Variants in TNS3 observed in about 807,000 individuals in gnomAD.
TNS3 encodes the protein tensin 3.
A neutral mutation model predicts 140.9 loss-of-function variants in TNS3; 45 were observed. The ratio of observed to expected loss-of-function variants is 0.32; its 90% CI spans 0.25 to 0.41. TNS3 has a LOEUF of 0.41. TNS3 is among the 10% of genes least tolerant of loss of function. The pLI is 1.00. For synonymous variants in TNS3, 815 were observed against 788.4 expected (o/e 1.03, Z -0.56); for missense variants, 1,716 against 1,906.7 (o/e 0.90, Z 1.86).
chr7:47,562,158 A>C (rs532700563), intron 1 of TNS3, among the ~76,000 whole-genome samples: 69 of 152,296 alleles, frequency 4.5e-4, no homozygotes, highest in African/African-American at 1.6e-3. Flanking sequence ...CTGACCATCC[A>C]GGGGAGGAGT....
intron 23 of TNS3, among the ~76,000 whole-genome samples, chr7:47,301,112 AT>A (rs1420579386): frequency 6.6e-6 from 1 of 152,074 alleles, no homozygotes; most frequent in Non-Finnish European, 1.5e-5. Context: ...AGAGAGCTTG[AT>A]TTTCTTCTGA....
chr7:47,277,988 T>A lies in TNS3; in HGVS notation c.*88A>T, dbSNP rs771393287. Reference sequence around the variant, plus strand: ...GCCTGGAATGTCAGGTTTACTAGTTTGGTAAAAAGTGGGGGCCCCACCCTC... The same window carrying A: ...GCCTGGAATGTCAGGTTTACTAGTTAGGTAAAAAGTGGGGGCCCCACCCTC... On this transcript the variant is annotated 3_prime_UTR_variant, in exon 31 of 31. Coordinates refer to ENST00000311160, the MANE Select transcript of TNS3 (RefSeq NM_022748.12). The A allele has an allele frequency of 2.1e-6, 3 of 1,462,642 alleles. No individual in the cohort carries two copies. Among genetic ancestry groups the A allele is most frequent in the Non-Finnish European group, 2.9e-6 (3 of 1,047,532 alleles). 90.6% of individuals were successfully genotyped at this position (1,462,642 alleles called of 1,614,324 possible). A position where few individuals can be genotyped will look rare whatever the true frequency, so the allele number is the denominator to read the frequency against.
intron 30 of TNS3, 40 bp from the exon 31 acceptor site, chr7:47,278,260 C>T: frequency 6.3e-7 from 1 of 1,592,954 alleles, no homozygotes; most frequent in Non-Finnish European, 8.5e-7. Flanking sequence ...CAGTGTCCCA[C>T]AAAGTACCAA....
intron 1 of TNS3, among the ~76,000 whole-genome samples, chr7:47,571,638 G>A (rs937892203): frequency 5.3e-5 from 8 of 152,240 alleles, no homozygotes; most frequent in East Asian, 3.8e-4. Flanking sequence ...GCCTCTGTCC[G>A]CTCCCACTCA....
chr7:47,388,499 A>C (rs4724569), intron 16 of TNS3, among the ~76,000 whole-genome samples: 2 of 152,048 alleles, frequency 1.3e-5, no homozygotes, highest in Non-Finnish European at 2.9e-5. Context: ...CCAAAGAGCA[A>C]TGGAGATACT....
chr7:47,339,980 T>TATAC (rs199633186), intron 20 of TNS3, among the ~76,000 whole-genome samples: 1 of 144,826 alleles, frequency 6.9e-6, no homozygotes, highest in South Asian at 2.2e-4. Context: ...TATATATATA[T>TATAC]GTATACATAT....
intron 10 of TNS3, among the ~76,000 whole-genome samples, chr7:47,415,686 G>A (rs933684493): frequency 5.9e-5 from 9 of 152,230 alleles, no homozygotes; most frequent in African/African-American, 2.2e-4. Context: ...AGAAAAGGCT[G>A]GAGTCCATAC....
chr7:47,446,877 T>G (rs1795769418), intron 4 of TNS3, among the ~76,000 whole-genome samples: 1 of 146,244 alleles, frequency 6.8e-6, no homozygotes, highest in Non-Finnish European at 1.5e-5. Context: ...TTTTTTTTTG[T>G]AGAGATGGGG....
intron 17 of TNS3, among the ~76,000 whole-genome samples, chr7:47,365,480 T>C (rs1425735369): frequency 1.3e-5 from 2 of 150,160 alleles, no homozygotes; most frequent in African/African-American, 4.9e-5. Context: ...AGTAACGAGT[T>C]TGGCTGGGAG....
At chr7:47,281,623 G>C (rs1785149010) in intron 28 of TNS3, among the ~76,000 whole-genome samples, 1 of 152,160 alleles carries the variant, frequency 6.6e-6, no homozygotes, top group Non-Finnish European at 1.5e-5. Flanking sequence ...TCTAGAATTA[G>C]CCAGTCTGAA....
At chr7:47,415,347 A>G in intron 10 of TNS3, 141 bp from the exon 11 acceptor site, 1 of 608,376 alleles carries the variant, frequency 1.6e-6, no homozygotes, top group Non-Finnish European at 2.9e-6. Context: ...AGGGGTTCTC[A>G]GCATGGTGCT....
chr7:47,333,624 G>A (rs535419262), intron 20 of TNS3, among the ~76,000 whole-genome samples: 1 of 152,284 alleles, frequency 6.6e-6, no homozygotes, highest in Admixed American at 6.5e-5. Context: ...AGAAAAGGGA[G>A]TCGAGTACAG....
intron 16 of TNS3, among the ~76,000 whole-genome samples, chr7:47,382,007 G>A (rs1209101654): frequency 2.6e-5 from 4 of 152,176 alleles, no homozygotes; most frequent in African/African-American, 9.7e-5. Flanking sequence ...GAGCACCGGG[G>A]TCTTTCCAAA....
rs571602058 is a variant in TNS3 at position 47,511,618 on chromosome 7, C to T, written c.-152-4674G>A. Among the ~76,000 whole-genome samples the T allele has an allele frequency of 3.2e-4, 49 of 151,996 alleles. 1 individual carries two copies. In the East Asian group the frequency reaches 7.4e-3, roughly 23 times the overall value. On this transcript the variant is annotated intron_variant, in intron 2 of 30. Coordinates refer to ENST00000311160, the MANE Select transcript of TNS3 (RefSeq NM_022748.12). ...CCCGAGACCCGCAGCGCGAGGGCAA[C>T]CCCGTTCATTCTCCTTGCCTGAGGC...
At chr7:47,325,318 A>G (rs1195336324) in intron 20 of TNS3, among the ~76,000 whole-genome samples, 1 of 151,152 alleles carries the variant, frequency 6.6e-6, no homozygotes, top group Non-Finnish European at 1.5e-5. Flanking sequence ...TCTATCTTCC[A>G]CTCCACGTTT....
chr7:47,278,446 G>A, intron 30 of TNS3: 1 of 545,106 alleles, frequency 1.8e-6, no homozygotes, highest in Non-Finnish European at 3.2e-6. Context: ...AGGACCCTGA[G>A]GCTGAGAGGT....
At chr7:47,420,982 C>A (rs1794345525) in intron 10 of TNS3, among the ~76,000 whole-genome samples, 1 of 152,140 alleles carries the variant, frequency 6.6e-6, no homozygotes, top group Non-Finnish European at 1.5e-5. Context: ...CAAAGGGACA[C>A]CCAAATGTGC....
rs376973900 is a variant in TNS3 at position 47,368,396 on chromosome 7, T to C, written c.2250A>G (p.Gly750=). 67 of 1,509,364 alleles carry C rather than the reference T, an allele frequency of 4.4e-5. 1 individual carries two copies. In the East Asian group the frequency reaches 1.4e-3, roughly 33 times the overall value. 93.5% of individuals were successfully genotyped at this position (1,509,364 alleles called of 1,614,324 possible). Residue 750 remains glycine (G), a synonymous_variant, in exon 17 of 31, where the codon GGA becomes GGG. Coordinates refer to ENST00000311160, the MANE Select transcript of TNS3 (RefSeq NM_022748.12). ...LRASSRLPDT[G]EGPSRATGRQ... ...GCCCGGTGGCCCTGCTGGGGCCCTC[T>C]CCTGTGTCAGGCAGCCTGCTGCTTG...
chr7:47,574,404 C>A (rs773905545), intron 1 of TNS3, among the ~76,000 whole-genome samples: 2 of 151,966 alleles, frequency 1.3e-5, no homozygotes, highest in Non-Finnish European at 2.9e-5. Flanking sequence ...TTAAGGACAG[C>A]GGGTGGACAC....
Sources: gnomAD v4.1 joint callset for allele counts (sites outside exome capture counted in the v4.1 genomes callset) on GRCh38, gnomAD v4.1.1 for gene constraint, MANE v1.5 for transcripts, NCBI Gene and HGNC (gene_info 2026-07-23, HGNC 2026-07-21) for gene names.